GRK4: variants seen among roughly 807,000 people sequenced by gnomAD.
GRK4 encodes the protein G protein-coupled receptor kinase 2-like.
A neutral mutation model predicts 77.9 loss-of-function variants in GRK4; 73 were observed. The observed-to-expected ratio is 0.94, with a 90% confidence interval of 0.78 to 1.14. GRK4 has a LOEUF of 1.14. GRK4 is among the 50% of genes most tolerant of loss of function. The pLI is 0.00. For missense variants in GRK4, 729 were observed against 700.2 expected (o/e 1.04, Z -0.46); for synonymous variants, 257 against 254.4 (o/e 1.01, Z -0.10).
intron 3 of GRK4, among the ~76,000 whole-genome samples, chr4:2,991,431 G>A (rs1181462022): frequency 6.6e-6 from 1 of 152,208 alleles, no homozygotes; most frequent in Non-Finnish European, 1.5e-5. Context: ...TTGGCATATC[G>A]AAGGACCATT....
chr4:2,989,129 C>T (rs922246450), intron 3 of GRK4, among the ~76,000 whole-genome samples: 4 of 151,518 alleles, frequency 2.6e-5, no homozygotes, highest in Non-Finnish European at 4.4e-5. Flanking sequence ...TGCAGTGAGC[C>T]GAGATCGCAC....
At chr4:3,006,772 A>C (rs1411116768) in intron 5 of GRK4, among the ~76,000 whole-genome samples, 4 of 151,942 alleles carry the variant, frequency 2.6e-5, no homozygotes, top group African/African-American at 9.7e-5. Context: ...GACCAAAAAA[A>C]AAGAAAAGAG....
chr4:2,977,409 A>T (rs1349598131), intron 1 of GRK4, among the ~76,000 whole-genome samples: 3 of 152,192 alleles, frequency 2.0e-5, no homozygotes, highest in Non-Finnish European at 2.9e-5. Flanking sequence ...TGCTACGCCT[A>T]CTGCTAGACC....
Position 2,992,299 on chromosome 4 carries a change from TTTC to T in GRK4, c.339+13_339+15del. 6.4e-7 allele frequency: 1 copy of T among 1,568,748 alleles called. No individual in the cohort carries two copies. The highest frequency in any genetic ancestry group is 8.8e-7 in the Non-Finnish European group (1 of 1,139,552). ...TAGATTCTTCAATGATAAGGTGTGT[TTTC>T]TTCTTTAGAATAAAAATTTGTAGAT... On this transcript the variant is annotated splice_region_variant and intron_variant, in intron 4 of 15. Transcript: ENST00000398052.
At chr4:2,986,818 T>C (rs549039684) in intron 2 of GRK4, 8 of 350,996 alleles carry the variant, frequency 2.3e-5, no homozygotes, top group South Asian at 1.7e-4. Flanking sequence ...ACTATTGTAG[T>C]TCCTTTTAAA....
chr4:3,000,238 T>C (rs1264117324), intron 4 of GRK4, among the ~76,000 whole-genome samples: 2 of 152,190 alleles, frequency 1.3e-5, no homozygotes, highest in African/African-American at 2.4e-5. Flanking sequence ...TTAGCTTACC[T>C]CCCTCTCTCT....
intron 14 of GRK4, 125 bp downstream of exon 14, chr4:3,037,636 G>T: frequency 5.2e-6 from 6 of 1,151,514 alleles, no homozygotes; most frequent in Non-Finnish European, 7.2e-6. Flanking sequence ...ATATAAGACG[G>T]CTGGGCGCAG....
At chr4:3,025,387 A>AT (rs71180111) in intron 10 of GRK4, among the ~76,000 whole-genome samples, 36,510 of 112,246 alleles carry the variant, frequency 0.33, 7,653 homozygotes, top group Non-Finnish European at 0.36. Context: ...TAGCGATCTA[A>AT]TTTTTTTTTT....
At chr4:3,004,167 G>A (rs1730635103) in intron 4 of GRK4, 64 bp from the exon 5 acceptor site, 6 of 1,156,698 alleles carry the variant, frequency 5.2e-6, no homozygotes, top group Non-Finnish European at 6.4e-6. Flanking sequence ...TAAGCATTAG[G>A]TTCTGTTCAC....
chr4:3,012,770 T>A (rs143508216), intron 7 of GRK4, among the ~76,000 whole-genome samples: 200 of 152,300 alleles, frequency 1.3e-3, no homozygotes, highest in African/African-American at 4.6e-3. Flanking sequence ...TAAGAAGTAA[T>A]AGAATAAAGA....
chr4:3,004,852 C>A (rs982462848), intron 5 of GRK4, among the ~76,000 whole-genome samples: 1 of 151,814 alleles, frequency 6.6e-6, no homozygotes, highest in Non-Finnish European at 1.5e-5. Flanking sequence ...TGGCTCCTGG[C>A]GTCTCAACCC....
Position 3,038,431 on chromosome 4 carries a change from T to A in GRK4, c.1601T>A (p.Leu534Ter). The A allele has an allele frequency of 6.2e-7, 1 of 1,614,166 alleles. No homozygotes were observed. Among genetic ancestry groups the A allele is most frequent in the Non-Finnish European group, 8.5e-7 (1 of 1,180,020 alleles). Residue 534 changes from leucine (L) to a stop codon, truncating the protein, a stop_gained, in exon 15 of 16, where the codon TTG becomes TAG. Transcript: ENST00000398052. LOFTEE classifies it high-confidence loss of function. The part of the protein sequence containing the change: ...DINKSESEEA[L>*]PLDLDKNIHT... ...AACAAAAGTGAAAGTGAGGAAGCTT[T>A]GCCATTAGATCTAGACAAGAACATA...
intron 1 of GRK4, among the ~76,000 whole-genome samples, chr4:2,965,019 C>G (rs1250833182): frequency 1.3e-5 from 2 of 152,136 alleles, no homozygotes; most frequent in African/African-American, 4.8e-5. Flanking sequence ...TACAAGGCCA[C>G]CAGCTATGCA....
At position 2,985,984 on chromosome 4, in the gene GRK4, CA is replaced by C. The variant is rs1181104072; in HGVS notation, c.148+1396del. ...TGGGTGACAGAACAAGACTCCGTCT[CA>C]AAAAAAAAAAAAAAAAAAAGAAGTC... On this transcript the variant is annotated intron_variant, in intron 2 of 15. Transcript: ENST00000398052. 4.2e-3 allele frequency among the ~76,000 whole-genome samples: 383 copies of C among 91,674 alleles called. 2 individuals carry two copies. The highest frequency in any genetic ancestry group is 0.015 in the South Asian group (36 of 2,356). 60.1% of individuals were successfully genotyped at this position (91,674 alleles called of 152,430 possible). A position where few individuals can be genotyped will look rare whatever the true frequency, so the allele number is the denominator to read the frequency against.
chr4:3,031,842 GC>G, intron 12 of GRK4, among the ~76,000 whole-genome samples: 1 of 152,288 alleles, frequency 6.6e-6, no homozygotes, highest in South Asian at 2.1e-4. Flanking sequence ...ACAGGACCAA[GC>G]AGCCAGGCAT....
rs1716448683 is a variant in GRK4 at position 2,963,788 on chromosome 4, G to A, written c.-283G>A. ...AGGGCGATGGGGCCAAGAAGAACCG[G>A]GGCGATAGCGCGGCAGCGGTGACAG... is the stretch of plus-strand genomic sequence containing the variant. On this transcript the variant is annotated 5_prime_UTR_variant, in exon 1 of 16. Transcript: ENST00000398052. 1.9e-6 allele frequency: 1 copy of A among 517,978 alleles called. No homozygotes were observed. The highest frequency in any genetic ancestry group is 3.9e-5 in the Admixed American group (1 of 25,432). The allele number at this position is 517,978 out of a possible 1,614,324, so 32.1% of individuals were successfully genotyped here. A position where few individuals can be genotyped will look rare whatever the true frequency, so the allele number is the denominator to read the frequency against.
chr4:3,020,629 C>T (rs1735797562), intron 9 of GRK4, among the ~76,000 whole-genome samples: 1 of 152,106 alleles, frequency 6.6e-6, no homozygotes, highest in Non-Finnish European at 1.5e-5. Context: ...AGTTCCTGGG[C>T]TCTGAGTCTC....
intron 4 of GRK4, among the ~76,000 whole-genome samples, chr4:2,999,196 G>A (rs75879831): frequency 0.029 from 4,402 of 152,232 alleles, 81 homozygotes; most frequent in Middle Eastern, 0.041. Flanking sequence ...TCTAGTGAGA[G>A]CCCTCTTGCT....
At chr4:2,984,664 A>C in intron 2 of GRK4, 56 bp downstream of exon 2, 1 of 829,648 alleles carries the variant, frequency 1.2e-6, no homozygotes, top group Non-Finnish European at 1.9e-6. Context: ...GATACCATTC[A>C]TTAGATGTTA....
Sources: allele counts gnomAD v4.1 joint callset (sites outside exome capture counted in the v4.1 genomes callset), GRCh38; gene constraint gnomAD v4.1.1; transcripts MANE v1.5; gene names NCBI Gene and HGNC (gene_info 2026-07-23, HGNC 2026-07-21).